KIAA1217: variants seen among roughly 807,000 people sequenced by gnomAD.
KIAA1217 encodes KIAA1217.
In KIAA1217, 88 loss-of-function variants were observed where a neutral mutation model predicts 163.9. The ratio of observed to expected loss-of-function variants is 0.54; its 90% CI spans 0.45 to 0.64. The LOEUF (loss-of-function observed/expected upper bound fraction) is 0.64. Among genes scored for constraint, KIAA1217 ranks in the 30% least tolerant of loss-of-function variants. The pLI is 0.00. For synonymous variants in KIAA1217, 903 were observed against 923.1 expected (o/e 0.98, Z 0.39); for missense variants, 2,372 against 2,475.0 (o/e 0.96, Z 0.88).
intron 1 of KIAA1217, among the ~76,000 whole-genome samples, chr10:23,791,100 A>G (rs11598360): frequency 0.19 from 28,480 of 152,136 alleles, 2,808 homozygotes; most frequent in Middle Eastern, 0.28. Context: ...TGAGGGGAAA[A>G]AAGACTCTTT....
In KIAA1217 at chr10:24,001,336, C is replaced by T. The variant is rs543285819; in HGVS notation, c.-320-5889C>T. Among the ~76,000 whole-genome samples the T allele has an allele frequency of 2.3e-3, 353 of 152,208 alleles. 2 individuals carry two copies. Among genetic ancestry groups the T allele is most frequent in the African/African-American group, 1.3e-3 (56 of 41,542 alleles). ...ACATGAATGATCAAACTGAACTATG[C>T]GACAAATATTATTTCTGGTGTGAGA... On this transcript the variant is annotated intron_variant, in intron 1 of 18. Coordinates refer to the KIAA1217 transcript ENST00000376462.
At chr10:23,724,234 A>C (rs1432439892) in intron 1 of KIAA1217, among the ~76,000 whole-genome samples, 1 of 152,164 alleles carries the variant, frequency 6.6e-6, no homozygotes, top group African/African-American at 2.4e-5. Flanking sequence ...CACAGATCCA[A>C]ACTATATCAC....
At chr10:23,826,506 C>T (rs1837906780) in intron 1 of KIAA1217, among the ~76,000 whole-genome samples, 1 of 152,180 alleles carries the variant, frequency 6.6e-6, no homozygotes, top group South Asian at 2.1e-4. Flanking sequence ...AGAAAACAGC[C>T]TTGACTGGTG....
chr10:24,138,065 G>C (rs2063901896), intron 2 of KIAA1217, among the ~76,000 whole-genome samples: 2 of 152,178 alleles, frequency 1.3e-5, no homozygotes, highest in African/African-American at 4.8e-5. Context: ...ACGTATAGTA[G>C]CATAAGGTTC....
At chr10:23,876,717 A>G (rs1840715782) in intron 1 of KIAA1217, among the ~76,000 whole-genome samples, 2 of 151,966 alleles carry the variant, frequency 1.3e-5, no homozygotes, top group African/African-American at 4.8e-5. Flanking sequence ...ATCTTGCAGC[A>G]GTTGAATTGG....
Position 24,420,197 on chromosome 10 carries a change from C to G in KIAA1217, c.554-12798C>G, listed in dbSNP as rs375815087. Among the ~76,000 whole-genome samples, 7 of 152,300 alleles carry G rather than the reference C, an allele frequency of 4.6e-5. No homozygotes were observed. In the East Asian group the frequency reaches 7.7e-4, roughly 17 times the overall value. On this transcript the variant is annotated intron_variant, in intron 3 of 20. Coordinates refer to ENST00000376454, the MANE Select transcript of KIAA1217 (RefSeq NM_019590.5). ...ATAACAGGCTGTATTTTCCCACATCCTCACCAGTACTTGAGGCTGTTATAT... is the reference window on the plus strand; with the variant it reads ...ATAACAGGCTGTATTTTCCCACATCGTCACCAGTACTTGAGGCTGTTATAT...
At chr10:24,408,461 G>A (rs1002578607) in intron 3 of KIAA1217, among the ~76,000 whole-genome samples, 4 of 152,080 alleles carry the variant, frequency 2.6e-5, no homozygotes, top group Non-Finnish European at 4.4e-5. Flanking sequence ...GGCAACCCAA[G>A]TAGTTGTTCC....
At chr10:24,214,369 G>A (rs1026038224) in intron 1 of KIAA1217, among the ~76,000 whole-genome samples, 5 of 152,276 alleles carry the variant, frequency 3.3e-5, no homozygotes, top group African/African-American at 9.6e-5. Flanking sequence ...CTGGGTGGCC[G>A]ATGAGGCTCC....
At chr10:24,249,221 A>G (rs1431509266) in intron 2 of KIAA1217, among the ~76,000 whole-genome samples, 1 of 152,226 alleles carries the variant, frequency 6.6e-6, no homozygotes. Flanking sequence ...CTAACTGCAA[A>G]TATTTGCAAA....
At chr10:24,127,613 T>C (rs1306566075) in intron 2 of KIAA1217, among the ~76,000 whole-genome samples, 1 of 152,160 alleles carries the variant, frequency 6.6e-6, no homozygotes, top group Non-Finnish European at 1.5e-5. Flanking sequence ...CTCCAGTTTT[T>C]CTTTCTGCTA....
At chr10:24,544,858 T>C (rs1299821761) in intron 19 of KIAA1217, 123 bp from the exon 20 acceptor site, 7 of 1,028,710 alleles carry the variant, frequency 6.8e-6, no homozygotes, top group African/African-American at 1.6e-5. Context: ...CTCCTAGATC[T>C]GTCCTGCATG....
intron 3 of KIAA1217, among the ~76,000 whole-genome samples, chr10:24,423,877 T>G (rs937341057): frequency 5.9e-5 from 9 of 152,022 alleles, no homozygotes; most frequent in African/African-American, 2.2e-4. Flanking sequence ...AAATTATTAT[T>G]GCCTGGAATT....
rs1389788966 is a variant in KIAA1217, at chr10:24,520,211, T to C, written c.2266T>C (p.Phe756Leu). The change falls in exon 11 of 21, where the codon TTC becomes CTC. Residue 756 changes from phenylalanine (F) to leucine (L), a missense_variant. By Grantham distance (22) the Phe-to-Leu change is conservative (BLOSUM62 0). Coordinates refer to ENST00000376454, the MANE Select transcript of KIAA1217 (RefSeq NM_019590.5). ...TCTGAAAGACGTGGAAGACGGGGCT[T>C]TCCTCCTGCGTCAAGTGGGAGAGGC... ...VTLKDVEDGAFLLRQVGEAVA... is the reference protein window; with the variant it reads ...VTLKDVEDGALLLRQVGEAVA... The C allele has an allele frequency of 9.3e-6, 15 of 1,614,144 alleles. No individual in the cohort carries two copies. Among genetic ancestry groups the C allele is most frequent in the Middle Eastern group, 1.6e-4 (1 of 6,062 alleles).
At chr10:24,301,592 A>C (rs2041342616) in intron 2 of KIAA1217, among the ~76,000 whole-genome samples, 1 of 152,112 alleles carries the variant, frequency 6.6e-6, no homozygotes. Context: ...ACCTGCTGAC[A>C]CTGTAGCTTC....
chr10:24,015,931 T>C (rs1238498135), intron 2 of KIAA1217, among the ~76,000 whole-genome samples: 4 of 152,096 alleles, frequency 2.6e-5, no homozygotes, highest in African/African-American at 9.7e-5. Context: ...AGGATATGCT[T>C]TCTTGATTCT....
intron 2 of KIAA1217, among the ~76,000 whole-genome samples, chr10:24,102,642 A>T (rs1437970291): frequency 6.6e-6 from 1 of 152,260 alleles, no homozygotes; most frequent in Non-Finnish European, 1.5e-5. Context: ...TTCATGACTT[A>T]CTTTAAAGCA....
chr10:23,816,690 A>G (rs1837328102), intron 1 of KIAA1217, among the ~76,000 whole-genome samples: 1 of 152,192 alleles, frequency 6.6e-6, no homozygotes, highest in Non-Finnish European at 1.5e-5. Flanking sequence ...GGTGTGAGAA[A>G]TCTAAATCAC....
In KIAA1217 at chr10:23,816,289, G is replaced by GTTGT. The variant is rs374978039; in HGVS notation, c.-321+121075_-321+121078dup. Among the ~76,000 whole-genome samples the GTTGT allele has an allele frequency of 9.4e-3, 1,427 of 151,918 alleles. 18 individuals carry two copies. Among genetic ancestry groups the GTTGT allele is most frequent in the African/African-American group, 0.029 (1,201 of 41,416 alleles). On this transcript the variant is annotated intron_variant, in intron 1 of 18. Coordinates refer to the KIAA1217 transcript ENST00000376462. ...GCTCACATTTCTTTTTGTTGTTGTT[G>GTTGT]TTGTTTGTTTGTTTGTTTGTTTGAG...
chr10:24,418,476 A>G (rs766098898), intron 3 of KIAA1217, among the ~76,000 whole-genome samples: 14 of 152,190 alleles, frequency 9.2e-5, no homozygotes, highest in Non-Finnish European at 2.9e-5. Context: ...TACACTTCAC[A>G]TTGATGCTTT....
Sources: allele counts gnomAD v4.1 joint callset (sites outside exome capture counted in the v4.1 genomes callset), GRCh38; gene constraint gnomAD v4.1.1; transcripts MANE v1.5; gene names NCBI Gene and HGNC (gene_info 2026-07-23, HGNC 2026-07-21).